PEX5L: variants seen among roughly 807,000 people sequenced by gnomAD.
PEX5L encodes peroxisomal biogenesis factor 5 like, also known as PEX5-related protein.
A neutral mutation model predicts 84.0 loss-of-function variants in PEX5L; 30 were observed. The ratio of observed to expected loss-of-function variants is 0.36; its 90% confidence interval spans 0.27 to 0.48. The LOEUF is 0.48. Among genes scored for constraint, PEX5L ranks in the 20% least tolerant of loss-of-function variants. The pLI, the probability that PEX5L is intolerant of heterozygous loss-of-function variation, is 0.99. For missense variants in PEX5L, 533 were observed against 754.6 expected, an observed-to-expected ratio of 0.71 and a Z score of 3.44; for synonymous variants, 270 against 283.1, an observed-to-expected ratio of 0.95 and a Z score of 0.46.
intron 9 of PEX5L, among the ~76,000 whole-genome samples, chr3:179,817,689 G>A (rs1030764890): frequency 2.6e-5 from 4 of 152,174 alleles, no homozygotes; most frequent in African/African-American, 9.7e-5. Flanking sequence ...TTTTAAATTT[G>A]ATAGATACAA....
chr3:180,035,840 T>C (rs1357081190), intron 1 of PEX5L, among the ~76,000 whole-genome samples: 1 of 152,210 alleles, frequency 6.6e-6, no homozygotes, highest in Non-Finnish European at 1.5e-5. Context: ...CCAAAGCATA[T>C]ATCTGCCTTT....
In PEX5L at chr3:179,879,978, C is replaced by T. The variant is rs1166156719; in HGVS notation, c.456G>A (p.Glu152=). The T allele has an allele frequency of 6.2e-7, 1 of 1,612,012 alleles. No homozygotes were observed. ...DGSDLISTDA[E]QRGQPLRVPE... ...GGACTCTGAGAGGCTGGCCTCTCTG[C>T]TCAGCATCCGTGCTGATGAGGTCAG... The change falls in exon 5 of 15, where the codon GAG becomes GAA. Residue 152 remains glutamate (E), a synonymous_variant. Transcript: ENST00000467460.
intron 14 of PEX5L, chr3:179,804,452 C>T (rs1426163848): frequency 6.6e-6 from 1 of 152,144 alleles, no homozygotes; most frequent in Non-Finnish European, 1.5e-5. Flanking sequence ...AAGGAGTCCT[C>T]ATTTTTGAAA....
At chr3:179,837,114 G>T (rs1478107168) in intron 8 of PEX5L, among the ~76,000 whole-genome samples, 1 of 152,078 alleles carries the variant, frequency 6.6e-6, no homozygotes. Context: ...GACTGGACTG[G>T]ATCCTAAATT....
intron 8 of PEX5L, among the ~76,000 whole-genome samples, chr3:179,824,140 A>G (rs1385624671): frequency 2.0e-5 from 3 of 152,202 alleles, no homozygotes; most frequent in Admixed American, 6.5e-5. Flanking sequence ...ATGGCAGCAT[A>G]TTATCAATTC....
intron 7 of PEX5L, among the ~76,000 whole-genome samples, chr3:179,859,786 C>A (rs1029017997): frequency 1.3e-5 from 2 of 152,146 alleles, no homozygotes; most frequent in Admixed American, 1.3e-4. Context: ...AACTGCTTTG[C>A]CACAATTAAT....
chr3:179,808,859 C>T (rs1362048391), intron 12 of PEX5L, among the ~76,000 whole-genome samples: 5 of 151,920 alleles, frequency 3.3e-5, no homozygotes, highest in Non-Finnish European at 5.9e-5. Flanking sequence ...GGGCGGATCA[C>T]GAGGTCAGGG....
intron 2 of PEX5L, among the ~76,000 whole-genome samples, chr3:179,916,323 C>T (rs868401274): frequency 2.0e-5 from 3 of 152,026 alleles, no homozygotes; most frequent in South Asian, 2.1e-4. Context: ...TCATATAGCA[C>T]GTAACTGTAC....
chr3:179,965,615 C>T (rs1003164830), intron 2 of PEX5L, among the ~76,000 whole-genome samples: 1 of 152,032 alleles, frequency 6.6e-6, no homozygotes, highest in Non-Finnish European at 1.5e-5. Flanking sequence ...AACAATCGGT[C>T]GTAAGATTCT....
intron 2 of PEX5L, among the ~76,000 whole-genome samples, chr3:179,933,242 C>T (rs1365314717): frequency 6.6e-6 from 1 of 152,142 alleles, no homozygotes; most frequent in Non-Finnish European, 1.5e-5. Context: ...GCCCATGTAC[C>T]TAAGCGACTC....
At chr3:179,818,235 T>C (rs1249298289) in intron 9 of PEX5L, among the ~76,000 whole-genome samples, 2 of 151,946 alleles carry the variant, frequency 1.3e-5, no homozygotes, top group African/African-American at 4.8e-5. Context: ...TAATATATAC[T>C]TATCTATATA....
intron 2 of PEX5L, among the ~76,000 whole-genome samples, chr3:179,899,530 A>T (rs116539357): frequency 0.015 from 2,315 of 152,216 alleles, 56 homozygotes; most frequent in African/African-American, 0.052. Flanking sequence ...AAAAGGATAC[A>T]ATTACATCAT....
rs566264583 is a variant in PEX5L at position 179,962,009 on chromosome 3, G to T, written c.93+9585C>A. Among the ~76,000 whole-genome samples, 14 of 152,382 alleles carry T rather than the reference G, an allele frequency of 9.2e-5. No individual in the cohort carries two copies. The East Asian group carries it at 2.5e-3, about 27-fold the overall frequency. On this transcript the variant is annotated intron_variant, in intron 2 of 14. Coordinates refer to ENST00000467460, the MANE Select transcript of PEX5L (RefSeq NM_016559.3). ...GAGGAAACACTTTGTTAATCCCAGA[G>T]TAGTTTAGGAGATTTCAAAGTTTAC... is the stretch of plus-strand genomic sequence containing the variant.
At chr3:179,925,259 T>C (rs1771088384) in intron 2 of PEX5L, among the ~76,000 whole-genome samples, 1 of 152,204 alleles carries the variant, frequency 6.6e-6, no homozygotes, top group African/African-American at 2.4e-5. Flanking sequence ...TCAAAAATTT[T>C]AAAAAGGCAT....
chr3:179,954,201 A>T (rs1372399982), intron 2 of PEX5L, among the ~76,000 whole-genome samples: 1 of 57,548 alleles, frequency 1.7e-5, no homozygotes, highest in South Asian at 1.3e-3. Context: ...ATTAACCATT[A>T]GTCGGGGGGG....
In PEX5L at chr3:179,980,206, C is replaced by T. The variant is rs547872862; in HGVS notation, c.22-8541G>A. 1.6e-3 allele frequency among the ~76,000 whole-genome samples: 246 copies of T among 152,196 alleles called. 3 individuals are homozygous for T. Among genetic ancestry groups the T allele is most frequent in the Middle Eastern group, 6.8e-3 (2 of 294 alleles). Reference sequence around the variant, plus strand: ...AATCAACCCAAAGTTTGTGCTTCGGCCATAAAATTCATGCAGAAAGTTATT... The same window carrying T: ...AATCAACCCAAAGTTTGTGCTTCGGTCATAAAATTCATGCAGAAAGTTATT... On this transcript the variant is annotated intron_variant, in intron 1 of 14. Coordinates refer to ENST00000467460, the MANE Select transcript of PEX5L (RefSeq NM_016559.3).
intron 12 of PEX5L, among the ~76,000 whole-genome samples, chr3:179,808,643 G>A (rs1560171417): frequency 6.6e-6 from 1 of 152,072 alleles, no homozygotes; most frequent in Non-Finnish European, 1.5e-5. Context: ...TGTTGTACAC[G>A]GATACAGACT....
At chr3:179,826,329 G>A (rs369618151) in intron 8 of PEX5L, among the ~76,000 whole-genome samples, 1 of 152,200 alleles carries the variant, frequency 6.6e-6, no homozygotes, top group African/African-American at 2.4e-5. Context: ...GTCTAAATAG[G>A]AAGGGGTCAC....
intron 8 of PEX5L, among the ~76,000 whole-genome samples, chr3:179,846,040 C>G (rs1286273966): frequency 6.6e-6 from 1 of 152,052 alleles, no homozygotes; most frequent in South Asian, 2.1e-4. Context: ...CATGGTGGTG[C>G]GTGCCTGTAA....
Sources: gnomAD v4.1 joint callset for allele counts (sites outside exome capture counted in the v4.1 genomes callset) on GRCh38, gnomAD v4.1.1 for gene constraint, MANE v1.5 for transcripts, NCBI Gene and HGNC (gene_info 2026-07-23, HGNC 2026-07-21) for gene names.